Variants in AMPD3 observed in about 807,000 individuals in gnomAD.
AMPD3 encodes the protein adenosine monophosphate deaminase 3.
AMPD3 carries 57 observed loss-of-function variants against 82.3 expected under a neutral mutation model. The ratio of observed to expected loss-of-function variants is 0.69; its 90% CI spans 0.56 to 0.86. The LOEUF (loss-of-function observed/expected upper bound fraction) is 0.86, where lower values mean the gene tolerates loss of function less well. Among genes scored for constraint, AMPD3 ranks in the 40% least tolerant of loss-of-function variants. AMPD3 has a pLI of 0.00. For synonymous variants in AMPD3, 381 were observed against 394.7 expected, an observed-to-expected ratio of 0.97 and a Z score of 0.41; for missense variants, 870 against 1,003.8, an observed-to-expected ratio of 0.87 and a Z score of 1.80.
intron 8 of AMPD3, 106 bp from the exon 9 acceptor site, chr11:10,495,464 G>A: frequency 1.3e-6 from 2 of 1,591,232 alleles, no homozygotes; most frequent in Admixed American, 3.4e-5. Context: ...TCCAGCCTGG[G>A]AGCAAGGTGG....
upstream of AMPD3, among the ~76,000 whole-genome samples, chr11:10,451,834 G>A (rs1847971656): frequency 6.6e-6 from 1 of 152,220 alleles, no homozygotes; most frequent in African/African-American, 2.4e-5. Flanking sequence ...GCCTGCAGCT[G>A]GAACCTGCAG....
chr11:10,491,737 A>G (rs1250174733), intron 6 of AMPD3, among the ~76,000 whole-genome samples: 1 of 152,216 alleles, frequency 6.6e-6, no homozygotes, highest in Non-Finnish European at 1.5e-5. Flanking sequence ...GATTCAGGAC[A>G]CACCATTTCC....
At chr11:10,496,769 G>T (rs1280631797) in intron 9 of AMPD3, 43 bp from the exon 10 acceptor site, 1 of 1,614,002 alleles carries the variant, frequency 6.2e-7, no homozygotes. Context: ...AGGGCAGCAG[G>T]CTGTTGGATC....
chr11:10,504,625 G>A lies in AMPD3; in HGVS notation c.2093G>A (p.Arg698Lys). 2 of 1,614,184 alleles carry A rather than the reference G, an allele frequency of 1.2e-6. No homozygotes were observed. Residue 698 changes from arginine (R) to lysine (K), a missense_variant, in exon 14 of 15, where the codon AGG (arginine) becomes AAG (lysine). Coordinates refer to ENST00000396553, the MANE Select transcript of AMPD3 (RefSeq NM_001025389.2). The part of the protein sequence containing the change: ...LSTCDLCEIA[R>K]NSVLQSGLSH... ...ACCTGCGACCTGTGTGAGATCGCCA[G>A]GAACAGCGTGCTGCAGAGCGGCCTC...
At position 10,483,842 on chromosome 11, in the gene AMPD3, A is replaced by T. The variant is rs569501648; in HGVS notation, c.590-978A>T. 2.9e-4 allele frequency among the ~76,000 whole-genome samples: 44 copies of T among 152,312 alleles called. 1 individual carries two copies. The highest frequency in any genetic ancestry group is 1.0e-3 in the African/African-American group (43 of 41,574). Reference sequence around the variant, plus strand: ...CACTCTGCCTTGGCAGCTTCCTTTGATGCAGATCTTGAGGTTTGCTCCTGC... The same window carrying T: ...CACTCTGCCTTGGCAGCTTCCTTTGTTGCAGATCTTGAGGTTTGCTCCTGC... On this transcript the variant is annotated intron_variant, in intron 4 of 14. Transcript: ENST00000396553.
Position 10,471,462 on chromosome 11 carries a change from T to C in AMPD3, c.222-7064T>C, listed in dbSNP as rs184824400. Among the ~76,000 whole-genome samples the C allele has an allele frequency of 2.7e-3, 418 of 152,280 alleles. 1 individual carries two copies. The highest frequency in any genetic ancestry group is 9.3e-3 in the African/African-American group (388 of 41,556). ...GCCAAAATTGAGAAATGGGATCTAA[T>C]TAAACTAAAGAGCTTCTGCACAGCA... On this transcript the variant is annotated intron_variant, in intron 2 of 14. Coordinates refer to ENST00000396553, the MANE Select transcript of AMPD3 (RefSeq NM_001025389.2).
chr11:10,477,958 G>T, intron 2 of AMPD3: 1 of 985,418 alleles, frequency 1.0e-6, no homozygotes, highest in Non-Finnish European at 1.2e-6. Flanking sequence ...GCACTGTCTC[G>T]ACTCCTTTGT....
At position 10,461,374 on chromosome 11, in the gene AMPD3, C is replaced by T. The variant is rs115759384; in HGVS notation, c.-5-141C>T. The T allele has an allele frequency of 1.2e-3, 1,843 of 1,596,254 alleles. 12 individuals are homozygous for T. In the African/African-American group the frequency reaches 0.02, roughly 17 times the overall value. ...TTGAGCTAATTTTGAAATTGGCATG[C>T]TGGGTTTGGTCTGGGGCATTCCTAA... On this transcript the variant is annotated intron_variant, in intron 1 of 14. Coordinates refer to ENST00000396553, the MANE Select transcript of AMPD3 (RefSeq NM_001025389.2).
chr11:10,471,841 T>C (rs1195032950), intron 2 of AMPD3, among the ~76,000 whole-genome samples: 1 of 152,230 alleles, frequency 6.6e-6, no homozygotes, highest in Non-Finnish European at 1.5e-5. Context: ...GCTTTTACAC[T>C]GTTGGTGGGA....
chr11:10,498,499 C>G (rs935104383), intron 10 of AMPD3: 2 of 152,524 alleles, frequency 1.3e-5, no homozygotes, highest in African/African-American at 4.8e-5. Flanking sequence ...GCATGCCAGG[C>G]CCCAGAAAGT....
chr11:10,493,413 A>G lies in AMPD3; in HGVS notation c.1004A>G (p.His335Arg). 1.2e-6 allele frequency: 2 copies of G among 1,614,224 alleles called. No homozygotes were observed. Among genetic ancestry groups the G allele is most frequent in the Non-Finnish European group, 1.7e-6 (2 of 1,180,046 alleles). Residue 335 changes from histidine to arginine, a missense_variant, in exon 7 of 15, where the codon CAC becomes CGC. His to Arg is a conservative substitution (Grantham distance 29). Coordinates refer to ENST00000396553, the MANE Select transcript of AMPD3 (RefSeq NM_001025389.2). ...NQKHLLRFIK[H>R]TYQTEPDRTV... Reference sequence around the variant, plus strand: ...AAGCATCTGCTGCGCTTCATCAAGCACACATACCAGACGGAGCCTGACAGG... The same window carrying G: ...AAGCATCTGCTGCGCTTCATCAAGCGCACATACCAGACGGAGCCTGACAGG...
intron 6 of AMPD3, chr11:10,488,314 T>A (rs530949361): frequency 1.1e-4 from 110 of 985,462 alleles, no homozygotes; most frequent in African/African-American, 1.1e-3. Flanking sequence ...AGTCACTTCC[T>A]GTCAACCAGG....
At chr11:10,486,794 T>C (rs1849083541) in intron 5 of AMPD3, 1 of 985,024 alleles carries the variant, frequency 1.0e-6, no homozygotes, top group Non-Finnish European at 1.2e-6. Context: ...TGGCTGAGGA[T>C]AGAAAAGAGG....
rs1166201797 is a variant in AMPD3 at position 10,469,154 on chromosome 11, G to A, written c.221+7414G>A. ...AAATAACTAAGATCAGAGCAGAACCGAAGGAGATAGAGACATGAAAAACTC... is the reference window on the plus strand; with the variant it reads ...AAATAACTAAGATCAGAGCAGAACCAAAGGAGATAGAGACATGAAAAACTC... On this transcript the variant is annotated intron_variant, in intron 2 of 14. Transcript: ENST00000396553. 2.7e-5 allele frequency among the ~76,000 whole-genome samples: 4 copies of A among 150,874 alleles called. No homozygotes were observed. In the South Asian group the frequency reaches 6.2e-4, roughly 23 times the overall value.
At position 10,478,625 on chromosome 11, in the gene AMPD3, T is replaced by TCCCACAAC; in HGVS notation, c.325_332dup (p.Val112GlnfsTer51). 1 of 1,614,192 alleles carries TCCCACAAC rather than the reference T, an allele frequency of 6.2e-7. No homozygotes were observed. The highest frequency in any genetic ancestry group is 8.5e-7 in the Non-Finnish European group (1 of 1,180,038). ...CCCCGGCAGCCAGTCCGGCCATGTC[T>TCCCACAAC]CCCACAACCCCTGTGGTCACTGGAG... On this transcript the variant is annotated frameshift_variant, in exon 3 of 15. Transcript: ENST00000396553. LOFTEE classifies it high-confidence loss of function.
At chr11:10,481,084 C>T (rs2133884920) in intron 3 of AMPD3, among the ~76,000 whole-genome samples, 1 of 152,310 alleles carries the variant, frequency 6.6e-6, no homozygotes, top group Non-Finnish European at 1.5e-5. Context: ...TCTGTAGCTT[C>T]CTGGCAAGTG....
intron 6 of AMPD3, among the ~76,000 whole-genome samples, chr11:10,488,648 C>T (rs533194833): frequency 9.2e-5 from 14 of 151,952 alleles, no homozygotes; most frequent in South Asian, 6.2e-4. Context: ...GGAGGTGGGC[C>T]GGGGTGTGGT....
intron 5 of AMPD3, 127 bp from the exon 6 acceptor site, chr11:10,487,108 C>G (rs1849095068): frequency 5.1e-6 from 8 of 1,570,268 alleles, no homozygotes; most frequent in Non-Finnish European, 7.0e-6. Flanking sequence ...AAGCCAGAAC[C>G]TCCTCATTCC....
chr11:10,459,062 C>G (rs534833858), intron 1 of AMPD3, among the ~76,000 whole-genome samples: 5 of 152,076 alleles, frequency 3.3e-5, no homozygotes, highest in Non-Finnish European at 4.4e-5. Context: ...CAGCTTCCCC[C>G]CTCTCTGCTA....
Sources: allele counts gnomAD v4.1 joint callset (sites outside exome capture counted in the v4.1 genomes callset), GRCh38; gene constraint gnomAD v4.1.1; transcripts MANE v1.5; gene names NCBI Gene and HGNC (gene_info 2026-07-23, HGNC 2026-07-21).